The following METTL25 variants were observed in gnomAD, a reference collection of about 807,000 sequenced individuals.
METTL25 encodes the protein methyltransferase like 25.
A neutral mutation model predicts 71.6 loss-of-function variants in METTL25; 64 were observed. That is an observed-to-expected ratio of 0.89 (90% CI 0.73 to 1.10). METTL25 has a LOEUF of 1.10. METTL25 is among the 50% of genes least tolerant of loss of function. METTL25 has a pLI of 0.00. For synonymous variants in METTL25, 287 were observed against 250.3 expected, an observed-to-expected ratio of 1.15 and a Z score of -1.38; for missense variants, 807 against 707.0, an observed-to-expected ratio of 1.14 and a Z score of -1.60.
At chr12:82,419,268 G>A (rs1888254934) in intron 5 of METTL25, among the ~76,000 whole-genome samples, 1 of 152,122 alleles carries the variant, frequency 6.6e-6, no homozygotes, top group Non-Finnish European at 1.5e-5. Flanking sequence ...TTTAAGGCAG[G>A]AAGAGATAGG....
intron 8 of METTL25, among the ~76,000 whole-genome samples, chr12:82,449,260 T>C (rs1033487527): frequency 6.6e-6 from 1 of 152,188 alleles, no homozygotes; most frequent in East Asian, 1.9e-4. Context: ...ATGTCACTTT[T>C]CTAAGTTTCA....
chr12:82,438,922 T>G (rs1444330303), intron 8 of METTL25, 131 bp downstream of exon 8: 1 of 664,546 alleles, frequency 1.5e-6, no homozygotes, highest in Non-Finnish European at 2.2e-6. Flanking sequence ...ATAATGTCAA[T>G]AACAAGTACA....
chr12:82,363,833 G>A (rs1375361326), intron 1 of METTL25, among the ~76,000 whole-genome samples: 1 of 151,890 alleles, frequency 6.6e-6, no homozygotes, highest in African/African-American at 2.4e-5. Context: ...TTGAAGGATA[G>A]TGTGACCCGT....
chr12:82,429,894 G>A (rs1426386783), intron 5 of METTL25, among the ~76,000 whole-genome samples: 1 of 151,280 alleles, frequency 6.6e-6, no homozygotes, highest in Non-Finnish European at 1.5e-5. Context: ...TTTAATACCT[G>A]AACATCTGGA....
At chr12:82,423,496 A>T (rs186410122) in intron 5 of METTL25, among the ~76,000 whole-genome samples, 5,003 of 152,252 alleles carry the variant, frequency 0.033, 93 homozygotes, top group Admixed American at 0.041. Context: ...GGACTTTATG[A>T]CTAAAACACC....
chr12:82,411,825 T>A (rs555809182), intron 5 of METTL25, among the ~76,000 whole-genome samples: 116 of 152,208 alleles, frequency 7.6e-4, no homozygotes, highest in African/African-American at 2.7e-3. Flanking sequence ...AAAGTCAGAT[T>A]CTTTTGTGAT....
chr12:82,399,903 A>T (rs1886430507), intron 4 of METTL25, among the ~76,000 whole-genome samples: 2 of 150,428 alleles, frequency 1.3e-5, no homozygotes, highest in African/African-American at 4.9e-5. Flanking sequence ...TTGAAACAGT[A>T]TTATAGAGGA....
At chr12:82,409,294 G>A (rs4143187) in intron 5 of METTL25, among the ~76,000 whole-genome samples, 2 of 152,084 alleles carry the variant, frequency 1.3e-5, no homozygotes, top group Admixed American at 6.6e-5. Context: ...CAAGAAATAC[G>A]AGAAACATTT....
chr12:82,447,887 T>C (rs1164726670), intron 8 of METTL25, among the ~76,000 whole-genome samples: 1 of 152,044 alleles, frequency 6.6e-6, no homozygotes, highest in African/African-American at 2.4e-5. Flanking sequence ...TACTCCAATA[T>C]CTAATATAGG....
intron 6 of METTL25, among the ~76,000 whole-genome samples, 158 bp from the exon 7 acceptor site, chr12:82,434,537 A>G (rs1427209509): frequency 6.6e-6 from 1 of 151,584 alleles, no homozygotes; most frequent in Non-Finnish European, 1.5e-5. Context: ...ATTAGTTAAC[A>G]TTCTTTAATG....
At position 82,396,744 on chromosome 12, in the gene METTL25, T is replaced by A. The variant is rs185074840; in HGVS notation, c.532-2051T>A. On this transcript the variant is annotated intron_variant, in intron 3 of 11. Coordinates refer to ENST00000248306, the MANE Select transcript of METTL25 (RefSeq NM_032230.3). Reference sequence around the variant, plus strand: ...ATATACCTATCCTCCTAAAAACTTTTCTTGTGTGATTTTGTAGGATATTTT... The same window carrying A: ...ATATACCTATCCTCCTAAAAACTTTACTTGTGTGATTTTGTAGGATATTTT... 3.3e-5 allele frequency among the ~76,000 whole-genome samples: 5 copies of A among 152,230 alleles called. No homozygotes were observed. In the East Asian group the frequency reaches 9.6e-4, roughly 29 times the overall value.
At chr12:82,428,890 C>T (rs1009935202) in intron 5 of METTL25, among the ~76,000 whole-genome samples, 3 of 151,756 alleles carry the variant, frequency 2.0e-5, no homozygotes, top group Admixed American at 6.6e-5. Context: ...ATGTTAAGTG[C>T]TGTGTAAATA....
At position 82,430,882 on chromosome 12, in the gene METTL25, C is replaced by A; in HGVS notation, c.1280-11C>A. 3 of 1,416,054 alleles carry A rather than the reference C, an allele frequency of 2.1e-6. No individual in the cohort carries two copies. The highest frequency in any genetic ancestry group is 2.9e-6 in the Non-Finnish European group (3 of 1,020,078). 87.7% of individuals were successfully genotyped at this position (1,416,054 alleles called of 1,614,324 possible). ...TTATTTAAATAATCCGTATTTTTCC[C>A]CCATCTGCAGAACGTACTCAGGAAA... is the stretch of plus-strand genomic sequence containing the variant. On this transcript the variant is annotated splice_polypyrimidine_tract_variant and intron_variant, in intron 5 of 11. Coordinates refer to ENST00000248306, the MANE Select transcript of METTL25 (RefSeq NM_032230.3).
At chr12:82,422,174 C>G (rs1428996369) in intron 5 of METTL25, among the ~76,000 whole-genome samples, 1 of 152,144 alleles carries the variant, frequency 6.6e-6, no homozygotes, top group Non-Finnish European at 1.5e-5. Flanking sequence ...CCGAATCCAG[C>G]AGCACATCAA....
At chr12:82,463,475 G>A (rs1329645089) in intron 9 of METTL25, among the ~76,000 whole-genome samples, 1 of 151,886 alleles carries the variant, frequency 6.6e-6, no homozygotes, top group Non-Finnish European at 1.5e-5. Flanking sequence ...CTTTGTCTCT[G>A]TTAATCTGTT....
intron 8 of METTL25, among the ~76,000 whole-genome samples, chr12:82,451,837 C>T (rs985998886): frequency 6.6e-6 from 1 of 152,010 alleles, no homozygotes; most frequent in Non-Finnish European, 1.5e-5. Flanking sequence ...TTCAAGAATT[C>T]TTCTGAAATA....
At chr12:82,437,885 A>G (rs977697028) in intron 7 of METTL25, among the ~76,000 whole-genome samples, 3 of 151,580 alleles carry the variant, frequency 2.0e-5, no homozygotes, top group Non-Finnish European at 3.0e-5. Flanking sequence ...TGTTGCTGAC[A>G]TTATTTTGTG....
At chr12:82,468,963 A>G (rs1277139853) in intron 9 of METTL25, 7 of 152,332 alleles carry the variant, frequency 4.6e-5, no homozygotes, top group Non-Finnish European at 1.0e-4. Flanking sequence ...AGAAACCTAG[A>G]TTACAACAAC....
chr12:82,458,290 G>A (rs1362242776), intron 9 of METTL25, among the ~76,000 whole-genome samples: 1 of 152,054 alleles, frequency 6.6e-6, no homozygotes, highest in East Asian at 1.9e-4. Flanking sequence ...TTCCAGTCCA[G>A]CATATAAAAG....
Sources: allele counts gnomAD v4.1 joint callset (sites outside exome capture counted in the v4.1 genomes callset), GRCh38; gene constraint gnomAD v4.1.1; transcripts MANE v1.5; gene names NCBI Gene and HGNC (gene_info 2026-07-23, HGNC 2026-07-21).